The following CST4 variants were observed in gnomAD, a reference collection of about 807,000 sequenced individuals.
CST4 encodes cystatin-S.
Under a neutral mutation model 11.2 loss-of-function variants are expected in CST4, and 17 were observed. The ratio of observed to expected loss-of-function variants is 1.52; its 90% CI spans 1.04 to 2.27. The LOEUF (loss-of-function observed/expected upper bound fraction) is 2.27, where lower values mean the gene tolerates loss of function less well. CST4 is among the 30% of genes most tolerant of loss of function. The probability of loss-of-function intolerance (pLI) is 0.00; values close to 1 mark genes in which losing one functional copy is unlikely to be tolerated. For missense variants in CST4, 251 were observed against 180.2 expected, an observed-to-expected ratio of 1.39 and a Z score of -2.25; for synonymous variants, 93 against 70.1, an observed-to-expected ratio of 1.33 and a Z score of -1.63.
chr20:23,686,714 C>T (rs561600694), intron 2 of CST4, among the ~76,000 whole-genome samples: 1 of 152,218 alleles, frequency 6.6e-6, no homozygotes, highest in South Asian at 2.1e-4. Flanking sequence ...GCAAATCAAA[C>T]ACATCACCCC....
At position 23,685,794 on chromosome 20, in the gene CST4, G is replaced by A; in HGVS notation, c.*100C>T. Reference sequence around the variant, plus strand: ...GTCTGTCTCTTGGCACAGGCACATGGGGAGGCCTCCCGCAGGGTGGGGGCC... The same window carrying A: ...GTCTGTCTCTTGGCACAGGCACATGAGGAGGCCTCCCGCAGGGTGGGGGCC... On this transcript the variant is annotated 3_prime_UTR_variant, in exon 3 of 3. Coordinates refer to ENST00000217423, the MANE Select transcript of CST4 (RefSeq NM_001899.3). 8.1e-7 allele frequency: 1 copy of A among 1,234,002 alleles called. No individual in the cohort carries two copies. Among genetic ancestry groups the A allele is most frequent in the South Asian group, 1.3e-5 (1 of 77,260 alleles). 76.4% of individuals were successfully genotyped at this position (1,234,002 alleles called of 1,614,324 possible).
In CST4 at chr20:23,688,804, T is replaced by G. The variant is rs746054853; in HGVS notation, c.166A>C (p.Asn56His). 1.6e-5 allele frequency: 26 copies of G among 1,614,050 alleles called. No individual in the cohort carries two copies. The highest frequency in any genetic ancestry group is 2.1e-5 in the Non-Finnish European group (25 of 1,180,026). ...RALHFAISEY[N>H]KATEDEYYRR... ...TAGTACTCATCTTCGGTGGCCTTGT[T>G]GTACTCGCTGATGGCGAAGTGAAGG... Residue 56 changes from asparagine (N) to histidine (H), a missense_variant, in exon 1 of 3, where the codon AAC becomes CAC. Asn to His is a moderately conservative substitution (Grantham distance 68, BLOSUM62 1). Coordinates refer to ENST00000217423, the MANE Select transcript of CST4 (RefSeq NM_001899.3).
In CST4 at chr20:23,685,950, C is replaced by A. The variant is rs201023151; in HGVS notation, c.370G>T (p.Glu124Ter). 6.2e-7 allele frequency: 1 copy of A among 1,613,964 alleles called. No homozygotes were observed. Among genetic ancestry groups the A allele is most frequent in the Non-Finnish European group, 8.5e-7 (1 of 1,179,894 alleles). The change falls in exon 3 of 3, where the codon GAA (glutamate) becomes TAA (stop). Residue 124 changes from glutamate (E) to a stop codon, truncating the protein, a stop_gained. Transcript: ENST00000217423. LOFTEE classifies it low-confidence loss of function (END_TRUNC). ...KKQLCSFEIY[E>*]VPWEDRMSLV... ...GACATTCTGTCCTCCCAGGGAACTT[C>A]GTAGATCTCGAAAGAGCACAACTGT...
intron 2 of CST4, 42 bp downstream of exon 2, chr20:23,687,046 C>T: frequency 6.2e-7 from 1 of 1,611,244 alleles, no homozygotes; most frequent in Non-Finnish European, 8.5e-7. Flanking sequence ...ACGCACCCCT[C>T]TGCAGTGCAT....
At chr20:23,687,974 C>G (rs1981101895) in intron 1 of CST4, among the ~76,000 whole-genome samples, 1 of 152,202 alleles carries the variant, frequency 6.6e-6, no homozygotes, top group Non-Finnish European at 1.5e-5. Context: ...CTCCAGCTGA[C>G]AGCTGTAGGA....
At position 23,688,976 on chromosome 20, in the gene CST4, C is replaced by T. The variant is rs1416012404; in HGVS notation, c.-7G>A. The T allele has an allele frequency of 6.2e-7, 1 of 1,613,172 alleles. No individual in the cohort carries two copies. Among genetic ancestry groups the T allele is most frequent in the Non-Finnish European group, 8.5e-7 (1 of 1,179,382 alleles). On this transcript the variant is annotated 5_prime_UTR_variant, in exon 1 of 3. Transcript: ENST00000217423. ...TACACAGAGGCCGGGCCATGGTCTC[C>T]TCAGAGGCAGAGCACAAAGCTGGAG...
Position 23,688,976 on chromosome 20 carries a change from C to G in CST4, c.-7G>C. ...TACACAGAGGCCGGGCCATGGTCTC[C>G]TCAGAGGCAGAGCACAAAGCTGGAG... On this transcript the variant is annotated 5_prime_UTR_variant, in exon 1 of 3. Coordinates refer to ENST00000217423, the MANE Select transcript of CST4 (RefSeq NM_001899.3). The G allele has an allele frequency of 6.2e-7, 1 of 1,613,172 alleles. No homozygotes were observed. The highest frequency in any genetic ancestry group is 8.5e-7 in the Non-Finnish European group (1 of 1,179,382).
intron 2 of CST4, among the ~76,000 whole-genome samples, chr20:23,686,779 C>G (rs904212284): frequency 6.6e-6 from 1 of 152,048 alleles, no homozygotes; most frequent in African/African-American, 2.4e-5. Flanking sequence ...CTCACTTGGA[C>G]CCCTCATCCC....
rs2405676 is a variant in CST4 at position 23,686,461 on chromosome 20, T to C, written c.343-484A>G. 6.5e-3 allele frequency among the ~76,000 whole-genome samples: 983 copies of C among 151,064 alleles called. 13 individuals carry two copies. The highest frequency in any genetic ancestry group is 0.023 in the African/African-American group (952 of 41,288). On this transcript the variant is annotated intron_variant, in intron 2 of 2. Coordinates refer to ENST00000217423, the MANE Select transcript of CST4 (RefSeq NM_001899.3). ...GGAGACCTCACAAGAACCAGCAGGTTCTTGGAGAGGCTGGTGTTGGGTGAG... is the reference window on the plus strand; with the variant it reads ...GGAGACCTCACAAGAACCAGCAGGTCCTTGGAGAGGCTGGTGTTGGGTGAG...
At position 23,685,868 on chromosome 20, in the gene CST4, C is replaced by A. The variant is rs779637753; in HGVS notation, c.*26G>T. On this transcript the variant is annotated 3_prime_UTR_variant, in exon 3 of 3. Coordinates refer to ENST00000217423, the MANE Select transcript of CST4 (RefSeq NM_001899.3). Reference sequence around the variant, plus strand: ...ACAGTGGGTGGGAGTGGGTGGTGGTCGGTGTGACTGGCCTGGCACAGACCC... The same window carrying A: ...ACAGTGGGTGGGAGTGGGTGGTGGTAGGTGTGACTGGCCTGGCACAGACCC... The A allele has an allele frequency of 2.5e-6, 4 of 1,611,460 alleles. No individual in the cohort carries two copies. The African/African-American group carries it at 5.3e-5, about 22-fold the overall frequency.
At chr20:23,688,362 A>G (rs1981114000) in intron 1 of CST4, among the ~76,000 whole-genome samples, 1 of 152,186 alleles carries the variant, frequency 6.6e-6, no homozygotes, top group African/African-American at 2.4e-5. Flanking sequence ...CCAGGTTCCC[A>G]TGTGGCCCCT....
intron 1 of CST4, among the ~76,000 whole-genome samples, chr20:23,687,831 T>C (rs1185149945): frequency 6.6e-6 from 1 of 152,190 alleles, no homozygotes; most frequent in Non-Finnish European, 1.5e-5. Context: ...TACCCATGTA[T>C]AAAATAGGCT....
chr20:23,687,043 C>T (rs758042930), intron 2 of CST4, 45 bp downstream of exon 2: 4 of 1,609,692 alleles, frequency 2.5e-6, no homozygotes, highest in Admixed American at 1.7e-5. Flanking sequence ...CATACGCACC[C>T]CTCTGCAGTG....
rs577046360 is a variant in CST4, at chr20:23,687,278, G to T, written c.229-77C>A. 43 of 1,360,044 alleles carry T rather than the reference G, an allele frequency of 3.2e-5. No homozygotes were observed. The African/African-American group carries it at 5.2e-4, about 16-fold the overall frequency. The allele number at this position is 1,360,044 out of a possible 1,614,324, so 84.2% of individuals were successfully genotyped here. A position where few individuals can be genotyped will look rare whatever the true frequency, so the allele number is the denominator to read the frequency against. ...CACTCACAGGCACTTCACTGTGGCTGAGTCACTGGACTTGCTTGGGGGCTT... is the reference window on the plus strand; with the variant it reads ...CACTCACAGGCACTTCACTGTGGCTTAGTCACTGGACTTGCTTGGGGGCTT... On this transcript the variant is annotated intron_variant, in intron 1 of 2. Transcript: ENST00000217423.
At position 23,687,076 on chromosome 20, in the gene CST4, T is replaced by C. The variant is rs762632108; in HGVS notation, c.342+12A>G. ...GTGCATGACTGGCCCGGGACCCGCATCAGGAACGTACCTTCTGCAGTTCTG... is the reference window on the plus strand; with the variant it reads ...GTGCATGACTGGCCCGGGACCCGCACCAGGAACGTACCTTCTGCAGTTCTG... On this transcript the variant is annotated intron_variant, in intron 2 of 2. Coordinates refer to ENST00000217423, the MANE Select transcript of CST4 (RefSeq NM_001899.3). The C allele has an allele frequency of 2.0e-5, 32 of 1,614,060 alleles. 1 individual carries two copies. Among genetic ancestry groups the C allele is most frequent in the South Asian group, 1.8e-4 (16 of 91,078 alleles).
rs779229200 is a variant in CST4, at chr20:23,688,918, C to A, written c.52G>T (p.Ala18Ser). The change falls in exon 1 of 3, where the codon GCT becomes TCT. Residue 18 changes from alanine (A) to serine (S), a missense_variant. Ala to Ser is a moderately conservative substitution (Grantham distance 99). Coordinates refer to ENST00000217423, the MANE Select transcript of CST4 (RefSeq NM_001899.3). ...TCCTCCTTGGAGCTCGAGGCCAGAG[C>A]CCCAGCCAGGGTAGCCATCAGGAGT... is the stretch of plus-strand genomic sequence containing the variant. ...LLLLMATLAG[A>S]LASSSKEENR... 1 of 1,614,178 alleles carries A rather than the reference C, an allele frequency of 6.2e-7. No individual in the cohort carries two copies. The highest frequency in any genetic ancestry group is 8.5e-7 in the Non-Finnish European group (1 of 1,180,032).
At chr20:23,686,299 C>G (rs1306920907) in intron 2 of CST4, among the ~76,000 whole-genome samples, 6 of 152,134 alleles carry the variant, frequency 3.9e-5, no homozygotes, top group Non-Finnish European at 5.9e-5. Flanking sequence ...GCTCAGTTCC[C>G]CCAGCTCCTT....
Position 23,688,886 on chromosome 20 carries a change from C to G in CST4, c.84G>C (p.Arg28Ser), listed in dbSNP as rs753526062. 2.5e-6 allele frequency: 4 copies of G among 1,614,184 alleles called. No homozygotes were observed. The highest frequency in any genetic ancestry group is 2.5e-6 in the Non-Finnish European group (3 of 1,180,038). ...ALASSSKEENRIIPGGIYDAD... is the reference protein window; with the variant it reads ...ALASSSKEENSIIPGGIYDAD... ...CATCATAGATGCCACCTGGGATTATCCTATTCTCCTCCTTGGAGCTCGAGG... is the reference window on the plus strand; with the variant it reads ...CATCATAGATGCCACCTGGGATTATGCTATTCTCCTCCTTGGAGCTCGAGG... Residue 28 changes from arginine (R) to serine (S), a missense_variant, in exon 1 of 3, where the codon AGG (arginine) becomes AGC (serine). Transcript: ENST00000217423.
At chr20:23,688,363 T>C (rs578088019) in intron 1 of CST4, among the ~76,000 whole-genome samples, 2 of 152,150 alleles carry the variant, frequency 1.3e-5, no homozygotes, top group African/African-American at 2.4e-5. Context: ...CAGGTTCCCA[T>C]GTGGCCCCTG....
Sources: gnomAD v4.1 joint callset for allele counts (sites outside exome capture counted in the v4.1 genomes callset) on GRCh38, gnomAD v4.1.1 for gene constraint, MANE v1.5 for transcripts, NCBI Gene and HGNC (gene_info 2026-07-23, HGNC 2026-07-21) for gene names.